MACROD2: variants seen among roughly 807,000 people sequenced by gnomAD.
MACROD2 encodes mono-ADP ribosylhydrolase 2, also known as ADP-ribose glycohydrolase MACROD2.
A neutral mutation model predicts 70.4 loss-of-function variants in MACROD2; 36 were observed. The ratio of observed to expected loss-of-function variants is 0.51; its 90% CI spans 0.39 to 0.68. The LOEUF (loss-of-function observed/expected upper bound fraction) is 0.68, where lower values mean the gene tolerates loss of function less well. Among genes scored for constraint, MACROD2 ranks in the 30% least tolerant of loss-of-function variants. MACROD2 has a pLI of 0.00. For synonymous variants in MACROD2, 172 were observed against 178.8 expected (o/e 0.96, Z 0.30); for missense variants, 496 against 538.4 (o/e 0.92, Z 0.78).
chr20:14,482,679 G>A (rs144706071), intron 3 of MACROD2, among the ~76,000 whole-genome samples: 1 of 150,458 alleles, frequency 6.6e-6, no homozygotes, highest in Non-Finnish European at 1.5e-5. Flanking sequence ...GGAAACATAC[G>A]TTCCATTGAA....
chr20:14,838,445 T>A (rs1181016004), intron 5 of MACROD2, among the ~76,000 whole-genome samples: 1 of 152,120 alleles, frequency 6.6e-6, no homozygotes, highest in Non-Finnish European at 1.5e-5. Flanking sequence ...CTTGTGTTAG[T>A]TGACTAATTC....
At chr20:14,995,914 C>G (rs1238242318) in intron 5 of MACROD2, among the ~76,000 whole-genome samples, 7 of 151,978 alleles carry the variant, frequency 4.6e-5, no homozygotes, top group African/African-American at 1.7e-4. Context: ...GTTGAAGAAG[C>G]TAGAAAAAAC....
At chr20:16,043,183 T>C (rs1601372140) in intron 16 of MACROD2, among the ~76,000 whole-genome samples, 1 of 151,920 alleles carries the variant, frequency 6.6e-6, no homozygotes, top group Non-Finnish European at 1.5e-5. Flanking sequence ...TGATTGGAGG[T>C]TGTTGGCCTA....
At chr20:14,045,210 C>G (rs539180499) in intron 2 of MACROD2, among the ~76,000 whole-genome samples, 21 of 152,358 alleles carry the variant, frequency 1.4e-4, no homozygotes, top group Non-Finnish European at 2.6e-4. Flanking sequence ...CCGGCCTTGG[C>G]CAGCCCAGAA....
At chr20:14,190,728 T>TCC (rs35940551) in intron 3 of MACROD2, among the ~76,000 whole-genome samples, 6 of 71,654 alleles carry the variant, frequency 8.4e-5, no homozygotes, top group Non-Finnish European at 1.5e-4. Flanking sequence ...TTTTTTTTTT[T>TCC]CCAGAGTCTT....
Position 14,665,509 on chromosome 20 carries a change from T to G in MACROD2, c.302-19334T>G, listed in dbSNP as rs2070727407. On this transcript the variant is annotated intron_variant, in intron 4 of 17. Transcript: ENST00000684519. ...AGTGATTATCTTCTTTTTTCTTCAC[T>G]GTTTCCAATTGGTTGTATTTTTTTT... is the stretch of plus-strand genomic sequence containing the variant. 2.0e-5 allele frequency among the ~76,000 whole-genome samples: 3 copies of G among 152,080 alleles called. No individual in the cohort carries two copies. In the South Asian group the frequency reaches 6.2e-4, roughly 31 times the overall value.
At chr20:15,502,001 C>T (rs976081350) in intron 8 of MACROD2, among the ~76,000 whole-genome samples, 1 of 151,918 alleles carries the variant, frequency 6.6e-6, no homozygotes, top group Non-Finnish European at 1.5e-5. Flanking sequence ...TTATTGACTC[C>T]CCCTAAGCAA....
intron 5 of MACROD2, among the ~76,000 whole-genome samples, chr20:14,863,169 C>G (rs1050099733): frequency 3.9e-5 from 6 of 152,070 alleles, no homozygotes; most frequent in Admixed American, 2.0e-4. Flanking sequence ...CACTAGACAA[C>G]TGTAGGAAGA....
At chr20:15,053,024 G>A (rs1220178323) in intron 5 of MACROD2, among the ~76,000 whole-genome samples, 3 of 152,178 alleles carry the variant, frequency 2.0e-5, no homozygotes, top group East Asian at 1.9e-4. Flanking sequence ...CCAGAGCAAC[G>A]CCCTAACTCT....
At chr20:15,114,842 C>T (rs1372585884) in intron 5 of MACROD2, among the ~76,000 whole-genome samples, 2 of 152,150 alleles carry the variant, frequency 1.3e-5, no homozygotes, top group South Asian at 2.1e-4. Context: ...ATCAAGATGC[C>T]CTGGTTTCCC....
chr20:15,161,923 CTAG>C (rs1481042727), intron 5 of MACROD2, among the ~76,000 whole-genome samples: 3 of 151,960 alleles, frequency 2.0e-5, no homozygotes, highest in African/African-American at 7.2e-5. Flanking sequence ...TTAATCCTGA[CTAG>C]AAGTCAAAAC....
At chr20:15,865,941 T>A (rs1211305128) in intron 9 of MACROD2, among the ~76,000 whole-genome samples, 1 of 152,190 alleles carries the variant, frequency 6.6e-6, no homozygotes, top group African/African-American at 2.4e-5. Context: ...ACTTCGATGA[T>A]TCTGACACTA....
chr20:15,383,218 CAT>C (rs1246443036), intron 6 of MACROD2, among the ~76,000 whole-genome samples: 7 of 152,318 alleles, frequency 4.6e-5, no homozygotes, highest in African/African-American at 1.7e-4. Context: ...ATTTAGCCCA[CAT>C]ATTTTCCAGA....
intron 8 of MACROD2, among the ~76,000 whole-genome samples, chr20:15,710,905 A>C (rs1297563876): frequency 6.6e-6 from 1 of 152,198 alleles, no homozygotes; most frequent in Admixed American, 6.5e-5. Context: ...AGCATTTTGC[A>C]AACACATGAG....
At chr20:15,079,086 T>C (rs182092392) in intron 5 of MACROD2, among the ~76,000 whole-genome samples, 4 of 152,310 alleles carry the variant, frequency 2.6e-5, no homozygotes, top group Admixed American at 2.6e-4. Flanking sequence ...ACCTCCTTGT[T>C]CATAAAAATC....
chr20:15,087,333 TA>T (rs1280527887), intron 5 of MACROD2, among the ~76,000 whole-genome samples: 1 of 152,052 alleles, frequency 6.6e-6, no homozygotes, highest in African/African-American at 2.4e-5. Context: ...AAAGCTACTA[TA>T]ATCTAAATAC....
At chr20:15,905,637 GTTTAT>G (rs2065136015) in intron 10 of MACROD2, among the ~76,000 whole-genome samples, 1 of 152,168 alleles carries the variant, frequency 6.6e-6, no homozygotes, top group Non-Finnish European at 1.5e-5. Context: ...CAGAGAAAGG[GTTTAT>G]TTTGTCGTTA....
At chr20:14,866,879 C>A (rs950133901) in intron 5 of MACROD2, among the ~76,000 whole-genome samples, 3 of 151,996 alleles carry the variant, frequency 2.0e-5, no homozygotes, top group African/African-American at 7.2e-5. Context: ...GTTAATGCAA[C>A]CTTGTCAAGA....
intron 3 of MACROD2, among the ~76,000 whole-genome samples, chr20:14,270,024 A>G (rs899018408): frequency 9.9e-5 from 15 of 152,152 alleles, no homozygotes; most frequent in Non-Finnish European, 1.9e-4. Flanking sequence ...TATGTATTAT[A>G]TTCAATAAAG....
Sources: gnomAD v4.1 joint callset for allele counts (sites outside exome capture counted in the v4.1 genomes callset) on GRCh38, gnomAD v4.1.1 for gene constraint, MANE v1.5 for transcripts, NCBI Gene and HGNC (gene_info 2026-07-23, HGNC 2026-07-21) for gene names.